INPP5F: variants seen among roughly 807,000 people sequenced by gnomAD.
INPP5F encodes inositol polyphosphate-5-phosphatase F.
In INPP5F, 97 loss-of-function variants were observed where a neutral mutation model predicts 137.2. The observed-to-expected ratio is 0.71, with a 90% CI of 0.60 to 0.84. The LOEUF is 0.84. INPP5F is among the 40% of genes least tolerant of loss of function. The pLI is 0.00. For synonymous variants in INPP5F, 504 were observed against 476.9 expected (o/e 1.06, Z -0.74); for missense variants, 1,271 against 1,371.9 (o/e 0.93, Z 1.16).
intron 1 of INPP5F, among the ~76,000 whole-genome samples, chr10:119,737,372 A>G (rs1237396400): frequency 1.3e-5 from 2 of 152,202 alleles, no homozygotes; most frequent in African/African-American, 4.8e-5. Flanking sequence ...CCAGTGACCT[A>G]TATATAATCA....
chr10:119,775,151 TAGG>T (rs1239106055), intron 2 of INPP5F, among the ~76,000 whole-genome samples: 2 of 152,296 alleles, frequency 1.3e-5, no homozygotes, highest in South Asian at 2.1e-4. Context: ...TAGGTTTCCT[TAGG>T]GGGAAAAATC....
Position 119,811,970 on chromosome 10 carries a change from T to C in INPP5F, c.1886+15T>C. ...TGTGACCCTAGGTGAGTTGGAGTGG[T>C]GTCCAGGTGACCAGCTTGCTTAACT... On this transcript the variant is annotated intron_variant, in intron 15 of 19. Coordinates refer to ENST00000650623, the MANE Select transcript of INPP5F (RefSeq NM_014937.4). The C allele has an allele frequency of 1.2e-6, 2 of 1,605,896 alleles. No individual in the cohort carries two copies. Among genetic ancestry groups the C allele is most frequent in the Non-Finnish European group, 1.7e-6 (2 of 1,172,796 alleles).
At chr10:119,763,160 A>G (rs749145478) in intron 2 of INPP5F, among the ~76,000 whole-genome samples, 2 of 152,228 alleles carry the variant, frequency 1.3e-5, no homozygotes, top group Non-Finnish European at 2.9e-5. Context: ...AGTCCAAACT[A>G]TAAGACAAAC....
intron 2 of INPP5F, among the ~76,000 whole-genome samples, chr10:119,755,448 A>T (rs1848813290): frequency 1.3e-5 from 2 of 152,052 alleles, no homozygotes; most frequent in Admixed American, 6.5e-5. Flanking sequence ...AAATAAACTC[A>T]CTTTAACCTA....
chr10:119,745,634 C>T (rs1246716647), intron 1 of INPP5F, among the ~76,000 whole-genome samples: 2 of 151,072 alleles, frequency 1.3e-5, no homozygotes, highest in African/African-American at 4.9e-5. Flanking sequence ...AATCCCTGGC[C>T]GTAATCTTAT....
intron 8 of INPP5F, 74 bp downstream of exon 8, chr10:119,797,714 T>G: frequency 8.4e-7 from 1 of 1,194,536 alleles, no homozygotes; most frequent in Non-Finnish European, 1.1e-6. Context: ...AGTTACCTGT[T>G]AGGTTTGGAT....
intron 1 of INPP5F, among the ~76,000 whole-genome samples, chr10:119,733,250 G>T (rs1214995016): frequency 6.6e-6 from 1 of 152,206 alleles, no homozygotes; most frequent in Admixed American, 6.5e-5. Flanking sequence ...TAGTTTGTTT[G>T]TTGATCCTGT....
In INPP5F at chr10:119,797,535, C is replaced by G; in HGVS notation, c.943C>G (p.His315Asp). 2 of 1,612,524 alleles carry G rather than the reference C, an allele frequency of 1.2e-6. No homozygotes were observed. Among genetic ancestry groups the G allele is most frequent in the Non-Finnish European group, 1.7e-6 (2 of 1,179,022 alleles). Residue 315 changes from histidine (H) to aspartate (D), a missense_variant, in exon 8 of 20, where the codon CAT becomes GAT. Physicochemically the swap from His to Asp is moderately conservative, Grantham distance 81. This residue lies in a region of INPP5F where 593 missense variants were observed against 712.4 expected (regional missense o/e 0.83). Transcript: ENST00000650623. Reference protein sequence around the residue: ...ANYVETEQLIHVHNHTLSFVQ... With the variant: ...ANYVETEQLIDVHNHTLSFVQ... The stretch of plus-strand genomic sequence containing the variant: ...TTATGTGGAGACTGAGCAGTTGATT[C>G]ATGTTCATAATCATACCCTGTCATT...
At chr10:119,751,636 AC>A (rs1848693314) in intron 2 of INPP5F, among the ~76,000 whole-genome samples, 1 of 152,160 alleles carries the variant, frequency 6.6e-6, no homozygotes, top group Admixed American at 6.5e-5. Flanking sequence ...CAGGTCACTC[AC>A]CAGGCCCTCA....
intron 2 of INPP5F, among the ~76,000 whole-genome samples, chr10:119,772,849 A>G (rs913924707): frequency 2.6e-5 from 4 of 151,720 alleles, no homozygotes; most frequent in African/African-American, 9.7e-5. Context: ...GTCCCGGTTC[A>G]AGCAATTCTC....
chr10:119,821,914 G>T (rs1367173146), intron 16 of INPP5F, among the ~76,000 whole-genome samples: 2 of 139,484 alleles, frequency 1.4e-5, no homozygotes, highest in Non-Finnish European at 3.0e-5. Context: ...TTTTGCCCAG[G>T]CTGGAGTGCA....
At chr10:119,764,954 CAG>C (rs35507811) in intron 2 of INPP5F, among the ~76,000 whole-genome samples, 6,303 of 151,590 alleles carry the variant, frequency 0.042, 233 homozygotes, top group South Asian at 0.22. Context: ...TTTTTTGAGA[CAG>C]AGTTTCCCTC....
intron 2 of INPP5F, among the ~76,000 whole-genome samples, chr10:119,767,107 GAAAAAAAAAA>G (rs35875262): frequency 2.7e-4 from 11 of 40,542 alleles, no homozygotes; most frequent in African/African-American, 5.6e-4. Context: ...TCTGTCTCCA[GAAAAAAAAAA>G]AAAAAAAAAA....
intron 2 of INPP5F, among the ~76,000 whole-genome samples, chr10:119,756,416 G>A (rs1369422105): frequency 2.6e-5 from 4 of 151,596 alleles, no homozygotes; most frequent in African/African-American, 2.4e-5. Context: ...CGGGTGGATT[G>A]CTTGAGGTCA....
chr10:119,791,050 G>A (rs980217486), intron 3 of INPP5F, among the ~76,000 whole-genome samples: 4 of 152,154 alleles, frequency 2.6e-5, no homozygotes, highest in African/African-American at 7.2e-5. Flanking sequence ...AGCTTTTAGG[G>A]CTCCCACTAG....
intron 2 of INPP5F, among the ~76,000 whole-genome samples, chr10:119,780,164 C>T (rs1028742512): frequency 6.6e-6 from 1 of 152,158 alleles, no homozygotes; most frequent in Non-Finnish European, 1.5e-5. Context: ...TGTAGCTCAT[C>T]GTTGACTGAA....
At chr10:119,810,324 T>C (rs1363953362) in intron 14 of INPP5F, 107 bp downstream of exon 14, 2 of 601,166 alleles carry the variant, frequency 3.3e-6, no homozygotes, top group Non-Finnish European at 3.0e-6. Flanking sequence ...AATATACTTG[T>C]GTTTCTGTAT....
chr10:119,736,927 G>C (rs1032168495), intron 1 of INPP5F, among the ~76,000 whole-genome samples: 12 of 152,294 alleles, frequency 7.9e-5, no homozygotes, highest in Admixed American at 2.6e-4. Context: ...GGGCTCGGGT[G>C]ATCCTCCCGC....
intron 16 of INPP5F, among the ~76,000 whole-genome samples, chr10:119,821,429 T>C (rs769258365): frequency 1.6e-4 from 25 of 152,170 alleles, no homozygotes; most frequent in Admixed American, 5.9e-4. Context: ...TGTTGTCAGA[T>C]TGATCTCCAG....
Sources: allele counts gnomAD v4.1 joint callset (sites outside exome capture counted in the v4.1 genomes callset), GRCh38; gene constraint gnomAD v4.1.1; regional missense constraint gnomAD v4.1.1; transcripts MANE v1.5; gene names NCBI Gene and HGNC (gene_info 2026-07-23, HGNC 2026-07-21).